The following SLC71A2 variants were observed in gnomAD, a reference collection of about 807,000 sequenced individuals.
SLC71A2 encodes hippocampus abundant transcript-like 1.
the SLC71A2 span, among the ~76,000 whole-genome samples, chr9:94,379,576 A>C: frequency 6.6e-6 from 1 of 150,488 alleles, no homozygotes; most frequent in Non-Finnish European, 1.5e-5. Flanking sequence ...TTTTTTGTAG[A>C]GATTGGGTCT....
At chr9:94,425,528 A>G in the SLC71A2 span, among the ~76,000 whole-genome samples, 2 of 152,102 alleles carry the variant, frequency 1.3e-5, no homozygotes, top group African/African-American at 4.8e-5. Flanking sequence ...TGTCTTCTTG[A>G]GTTGAGTCAG....
At chr9:94,384,361 T>C in the SLC71A2 span, among the ~76,000 whole-genome samples, 2 of 144,790 alleles carry the variant, frequency 1.4e-5, no homozygotes. Context: ...TTTGGACACA[T>C]GGTCTCTCTC....
At chr9:94,413,326 A>G in the SLC71A2 span, among the ~76,000 whole-genome samples, 1 of 152,216 alleles carries the variant, frequency 6.6e-6, no homozygotes, top group Non-Finnish European at 1.5e-5. Flanking sequence ...AGATAATTAT[A>G]CCATGGTTAT....
At chr9:94,436,039 C>T in the SLC71A2 span, among the ~76,000 whole-genome samples, 1 of 152,212 alleles carries the variant, frequency 6.6e-6, no homozygotes, top group Non-Finnish European at 1.5e-5. Context: ...CACTCATTCT[C>T]AGTCTTCTTA....
chr9:94,458,703 A>C, the SLC71A2 span, among the ~76,000 whole-genome samples: 3 of 152,242 alleles, frequency 2.0e-5, no homozygotes, highest in Non-Finnish European at 2.9e-5. Flanking sequence ...CACAATCACT[A>C]CACTATTCTC....
the SLC71A2 span, among the ~76,000 whole-genome samples, chr9:94,423,445 G>A: frequency 1.8e-3 from 281 of 152,224 alleles, 1 homozygote; most frequent in South Asian, 9.5e-3. Flanking sequence ...CAGATAACCC[G>A]GATAACCTTC....
At chr9:94,394,976 T>G in the SLC71A2 span, among the ~76,000 whole-genome samples, 23 of 98,264 alleles carry the variant, frequency 2.3e-4, no homozygotes, top group African/African-American at 8.6e-4. Context: ...TGCAGTGGCG[T>G]GATCTTGGCT....
At chr9:94,418,775 T>TTC in the SLC71A2 span, among the ~76,000 whole-genome samples, 20,443 of 139,254 alleles carry the variant, frequency 0.15, 2,127 homozygotes, top group Non-Finnish European at 0.22. Flanking sequence ...TTTTTTTTTT[T>TTC]CACGAGTGGG....
the SLC71A2 span, among the ~76,000 whole-genome samples, chr9:94,408,898 A>C: frequency 6.8e-6 from 1 of 146,002 alleles, no homozygotes; most frequent in African/African-American, 2.6e-5. Context: ...ATCTCTGCTC[A>C]CTGCAAGCTC....
the SLC71A2 span, chr9:94,454,205 A>T: frequency 4.8e-6 from 3 of 623,690 alleles, no homozygotes; most frequent in South Asian, 5.9e-5. Context: ...AGAAACCATT[A>T]GGCTTTAATT....
the SLC71A2 span, chr9:94,459,111 TAAA>T: frequency 6.4e-7 from 1 of 1,574,780 alleles, no homozygotes; most frequent in South Asian, 1.2e-5. Context: ...AATTTTGAGT[TAAA>T]AGACTAACTG....
chr9:94,384,012 A>T, the SLC71A2 span, among the ~76,000 whole-genome samples: 11 of 152,256 alleles, frequency 7.2e-5, no homozygotes, highest in Non-Finnish European at 1.5e-4. Context: ...TAAAATACAC[A>T]TAGCAAAGAA....
the SLC71A2 span, chr9:94,456,304 C>G: frequency 1.2e-6 from 2 of 1,614,106 alleles, no homozygotes; most frequent in South Asian, 2.2e-5. Flanking sequence ...AATCAGTGCC[C>G]TCGTCTCTCG....
chr9:94,456,294 A>T, the SLC71A2 span: 1 of 1,614,114 alleles, frequency 6.2e-7, no homozygotes, highest in Non-Finnish European at 8.5e-7. Context: ...CGTTTCCGGC[A>T]ATCAGTGCCC....
At chr9:94,455,407 A>G in the SLC71A2 span, among the ~76,000 whole-genome samples, 1 of 113,062 alleles carries the variant, frequency 8.8e-6, no homozygotes, top group Admixed American at 1.2e-4. Context: ...TTGTAAAGAC[A>G]AGGTCTCATG....
the SLC71A2 span, chr9:94,451,337 G>A: frequency 2.1e-6 from 1 of 485,840 alleles, no homozygotes; most frequent in Non-Finnish European, 3.6e-6. Flanking sequence ...CTTTCAGCAT[G>A]TCTTAATTTG....
At chr9:94,447,479 C>CTT in the SLC71A2 span, among the ~76,000 whole-genome samples, 1 of 131,564 alleles carries the variant, frequency 7.6e-6, no homozygotes, top group Non-Finnish European at 1.6e-5. Flanking sequence ...TGTGCCCAGC[C>CTT]TGTTTTTTTT....
At chr9:94,429,904 A>ATTTTTTTTTTTTTT in the SLC71A2 span, among the ~76,000 whole-genome samples, 1 of 139,276 alleles carries the variant, frequency 7.2e-6, no homozygotes. Context: ...CTCATTCTTT[A>ATTTTTTTTTTTTTT]TTTTATTTTT....
At chr9:94,452,660 TATATATTCATATATATTCATATATTC>T in the SLC71A2 span, among the ~76,000 whole-genome samples, 56 of 55,634 alleles carry the variant, frequency 1.0e-3, no homozygotes, top group East Asian at 0.023. Context: ...TATATATTCA[TATATATTCATATATATTCATATATTC>T]ATATATATTC....
Sources: gnomAD v4.1 joint callset for allele counts (sites outside exome capture counted in the v4.1 genomes callset) on GRCh38, gnomAD v4.1.1 for gene constraint, MANE v1.5 for transcripts, NCBI Gene and HGNC (gene_info 2026-07-23, HGNC 2026-07-21) for gene names.